SMAD3: variants seen among roughly 807,000 people sequenced by gnomAD.
The protein encoded by SMAD3 is MAD homolog 3.
In SMAD3, 12 loss-of-function variants were observed where a neutral mutation model predicts 51.8. The ratio of observed to expected loss-of-function variants is 0.23; its 90% confidence interval spans 0.15 to 0.38. The LOEUF (loss-of-function observed/expected upper bound fraction) is 0.38. Ranked by LOEUF, SMAD3 falls within the 10% of genes least tolerant of loss-of-function variation. The probability of loss-of-function intolerance (pLI) is 1.00; values close to 1 mark genes in which losing one functional copy is unlikely to be tolerated. For synonymous variants in SMAD3, 238 were observed against 227.7 expected (o/e 1.05, Z -0.41); for missense variants, 294 against 565.6 (o/e 0.52, Z 4.87).
chr15:67,099,272 T>C (rs1960695475), intron 1 of SMAD3, among the ~76,000 whole-genome samples: 1 of 152,234 alleles, frequency 6.6e-6, no homozygotes, highest in East Asian at 1.9e-4. Context: ...AGCATCACTG[T>C]CCTCCAAAGT....
chr15:67,089,916 G>A (rs916546890), intron 1 of SMAD3, among the ~76,000 whole-genome samples: 1 of 152,226 alleles, frequency 6.6e-6, no homozygotes, highest in Non-Finnish European at 1.5e-5. Context: ...GGAAGCATGA[G>A]CTGGATGGAG....
chr15:67,159,271 A>G (rs938539862), intron 1 of SMAD3, among the ~76,000 whole-genome samples: 25 of 152,070 alleles, frequency 1.6e-4, no homozygotes, highest in Non-Finnish European at 7.4e-5. Context: ...GGGTTTCACC[A>G]TGTTGGCCAG....
rs569945519 is a variant in SMAD3, at chr15:67,065,605, A to C, written c.-550A>C. 7.4e-5 allele frequency among the ~76,000 whole-genome samples: 11 copies of C among 149,134 alleles called. No individual in the cohort carries two copies. The highest frequency in any genetic ancestry group is 1.3e-4 in the Non-Finnish European group (9 of 67,198). On this transcript the variant is annotated 5_prime_UTR_variant, in exon 1 of 9. Transcript: ENST00000327367. ...GAGGCTGCACGCGGATTTGCATGAA[A>C]CACAGACTGGGAGCGGGCGGGAGCG... is the stretch of plus-strand genomic sequence containing the variant.
chr15:67,070,148 G>A (rs751498875), intron 1 of SMAD3, among the ~76,000 whole-genome samples: 10 of 152,184 alleles, frequency 6.6e-5, no homozygotes, highest in Non-Finnish European at 1.5e-4. Flanking sequence ...AGGCTGTAGA[G>A]GCCTCCCTTT....
intron 1 of SMAD3, among the ~76,000 whole-genome samples, chr15:67,125,030 C>A (rs1961350264): frequency 6.6e-6 from 1 of 152,234 alleles, no homozygotes; most frequent in Non-Finnish European, 1.5e-5. Flanking sequence ...CTTATGGGCA[C>A]CCCACCCGAC....
At chr15:67,126,089 G>A in intron 1 of SMAD3, 1 of 516,648 alleles carries the variant, frequency 1.9e-6, no homozygotes, top group East Asian at 1.5e-4. Flanking sequence ...TTAGGGAATT[G>A]CGTAGTTTTT....
At chr15:67,184,638 G>A in intron 6 of SMAD3, 89 bp from the exon 7 acceptor site, 3 of 1,521,076 alleles carry the variant, frequency 2.0e-6, no homozygotes, top group Non-Finnish European at 1.8e-6. Flanking sequence ...CAGCTCTGCT[G>A]TTCTGCCTCC....
In SMAD3 at chr15:67,066,078, C is replaced by T; in HGVS notation, c.-77C>T. Reference sequence around the variant, plus strand: ...ACCGCGGCAGGCCCCGGCCGAGCTCCCCTCTGCGCCCCCGGCGTCCCGTCG... The same window carrying T: ...ACCGCGGCAGGCCCCGGCCGAGCTCTCCTCTGCGCCCCCGGCGTCCCGTCG... On this transcript the variant is annotated 5_prime_UTR_variant, in exon 1 of 9. Transcript: ENST00000327367. 7 of 1,101,606 alleles carry T rather than the reference C, an allele frequency of 6.4e-6. 1 individual carries two copies. Among genetic ancestry groups the T allele is most frequent in the South Asian group, 4.6e-5 (3 of 65,430 alleles). The allele number at this position is 1,101,606 out of a possible 1,614,324, so 68.2% of individuals were successfully genotyped here.
At chr15:67,091,141 CCATGCCCT>C (rs1419452977) in intron 1 of SMAD3, among the ~76,000 whole-genome samples, 1 of 152,218 alleles carries the variant, frequency 6.6e-6, no homozygotes, top group Non-Finnish European at 1.5e-5. Context: ...CCTGCCCTGC[CCATGCCCT>C]GGCACACACA....
intron 1 of SMAD3, among the ~76,000 whole-genome samples, chr15:67,085,118 G>A (rs776459322): frequency 2.6e-5 from 4 of 152,210 alleles, no homozygotes; most frequent in Non-Finnish European, 5.9e-5. Flanking sequence ...TTTAAGGCCA[G>A]TGAGGAGACT....
At chr15:67,086,247 G>A (rs2140209645) in intron 1 of SMAD3, among the ~76,000 whole-genome samples, 1 of 152,252 alleles carries the variant, frequency 6.6e-6, no homozygotes, top group East Asian at 1.9e-4. Flanking sequence ...TAGGGGCTGT[G>A]AAGGCTGTAG....
intron 1 of SMAD3, among the ~76,000 whole-genome samples, chr15:67,142,381 A>G (rs2140266680): frequency 6.6e-6 from 1 of 152,258 alleles, no homozygotes; most frequent in Non-Finnish European, 1.5e-5. Flanking sequence ...TGTTGGCAAT[A>G]AACTAGGTCT....
chr15:67,183,031 A>ATATTTTTTTTTTTTT (rs1156620400), intron 6 of SMAD3, among the ~76,000 whole-genome samples: 1 of 29,696 alleles, frequency 3.4e-5, no homozygotes, highest in African/African-American at 1.7e-4. Context: ...ATATATATAT[A>ATATTTTTTTTTTTTT]TTTTTTTTTT....
intron 4 of SMAD3, among the ~76,000 whole-genome samples, chr15:67,167,427 A>G (rs909091704): frequency 6.6e-6 from 1 of 152,150 alleles, no homozygotes; most frequent in Non-Finnish European, 1.5e-5. Context: ...GTGGACCTTC[A>G]AGCTAGCCAG....
At chr15:67,189,414 G>GGA (rs772975041) in intron 8 of SMAD3, among the ~76,000 whole-genome samples, 1 of 152,238 alleles carries the variant, frequency 6.6e-6, no homozygotes, top group Non-Finnish European at 1.5e-5. Context: ...CCAAGTGCTA[G>GGA]GAAGAGGCTC....
intron 1 of SMAD3, chr15:67,138,619 C>CT (rs1458737478): frequency 6.5e-6 from 1 of 152,674 alleles, no homozygotes; most frequent in Non-Finnish European, 1.5e-5. Context: ...TTTGTTCCTT[C>CT]TTTCTTTCTT....
chr15:67,165,010 C>T lies in SMAD3; in HGVS notation c.322C>T (p.Leu108=), dbSNP rs1595941782. The change falls in exon 2 of 9, where the codon CTG becomes TTG. Residue 108 remains leucine (L), a synonymous_variant. Transcript: ENST00000327367. ...HSHHELRAME[L]CEFAFNMKKD... is the part of the protein sequence containing the mutation. ...CCACCACGAGCTACGGGCCATGGAG[C>T]TGTGTGAGTTCGCCTTCAATATGAA... 1 of 1,614,196 alleles carries T rather than the reference C, an allele frequency of 6.2e-7. No homozygotes were observed.
rs953226605 is a variant in SMAD3 at position 67,070,200 on chromosome 15, T to C, written c.206+3840T>C. 4.6e-5 allele frequency among the ~76,000 whole-genome samples: 7 copies of C among 152,154 alleles called. 1 individual carries two copies. Among genetic ancestry groups the C allele is most frequent in the South Asian group, 2.1e-4 (1 of 4,812 alleles). ...CAGAGCACCATGCCCGTGTGGCCCA[T>C]TGGAAGCAAGCCCCCTTCCAGCTGC... On this transcript the variant is annotated intron_variant, in intron 1 of 8. Transcript: ENST00000327367.
chr15:67,149,834 T>C (rs1464778589), intron 1 of SMAD3, among the ~76,000 whole-genome samples: 1 of 152,228 alleles, frequency 6.6e-6, no homozygotes, highest in Non-Finnish European at 1.5e-5. Context: ...AGCAAGAGAA[T>C]GTGTATGGAA....
Sources: gnomAD v4.1 joint callset for allele counts (sites outside exome capture counted in the v4.1 genomes callset) on GRCh38, gnomAD v4.1.1 for gene constraint, MANE v1.5 for transcripts, NCBI Gene and HGNC (gene_info 2026-07-23, HGNC 2026-07-21) for gene names.